CADPS2: variants seen among roughly 807,000 people sequenced by gnomAD.
The protein encoded by CADPS2 is calcium dependent secretion activator 2.
In CADPS2, 93 loss-of-function variants were observed where a neutral mutation model predicts 172.5. The observed-to-expected ratio is 0.54, with a 90% confidence interval of 0.46 to 0.64. The LOEUF is 0.64. Among genes scored for constraint, CADPS2 ranks in the 30% least tolerant of loss-of-function variants. The pLI is 0.00. For synonymous variants in CADPS2, 546 were observed against 555.2 expected (o/e 0.98, Z 0.23); for missense variants, 1,420 against 1,565.9 (o/e 0.91, Z 1.57).
chr7:122,839,393 C>A (rs1276605101), intron 1 of CADPS2, among the ~76,000 whole-genome samples: 1 of 152,036 alleles, frequency 6.6e-6, no homozygotes, highest in South Asian at 2.1e-4. Context: ...TCTAAAACAC[C>A]AAAAGCAATG....
intron 4 of CADPS2, among the ~76,000 whole-genome samples, chr7:122,626,710 A>G (rs1004458331): frequency 6.6e-6 from 1 of 152,116 alleles, no homozygotes; most frequent in Non-Finnish European, 1.5e-5. Context: ...TTTTATCCCA[A>G]TGTATCCCAA....
At chr7:122,873,164 T>C (rs1196817033) in intron 1 of CADPS2, among the ~76,000 whole-genome samples, 1 of 152,112 alleles carries the variant, frequency 6.6e-6, no homozygotes. Context: ...ATGGAGTCCA[T>C]ATAGCAAAAG....
chr7:122,678,943 C>T (rs534083913), intron 2 of CADPS2, among the ~76,000 whole-genome samples: 206 of 152,204 alleles, frequency 1.4e-3, no homozygotes, highest in African/African-American at 4.8e-3. Context: ...ATTTCCTATG[C>T]CTGTCTTTTA....
intron 1 of CADPS2, among the ~76,000 whole-genome samples, chr7:122,792,986 G>A (rs1367649472): frequency 2.0e-5 from 3 of 152,072 alleles, no homozygotes; most frequent in Non-Finnish European, 2.9e-5. Flanking sequence ...AGTCCTGAGT[G>A]CAAATGAAAA....
At chr7:122,457,961 T>A (rs1229376078) in intron 14 of CADPS2, among the ~76,000 whole-genome samples, 2 of 152,176 alleles carry the variant, frequency 1.3e-5, no homozygotes, top group Non-Finnish European at 2.9e-5. Flanking sequence ...CCCCACCCCA[T>A]CTCCAACTCA....
At chr7:122,638,734 TACTC>T (rs960006221) in intron 3 of CADPS2, among the ~76,000 whole-genome samples, 1 of 152,190 alleles carries the variant, frequency 6.6e-6, no homozygotes, top group Non-Finnish European at 1.5e-5. Flanking sequence ...TGAGGACTCT[TACTC>T]ACTAATTCTA....
At chr7:122,393,344 G>C in intron 21 of CADPS2, 29 bp from the exon 22 acceptor site, 2 of 1,613,698 alleles carry the variant, frequency 1.2e-6, no homozygotes, top group Admixed American at 1.7e-5. Flanking sequence ...CGTGGGAAGG[G>C]ACCACCATAA....
chr7:122,700,662 C>T (rs1041691115), intron 2 of CADPS2, among the ~76,000 whole-genome samples: 8 of 152,164 alleles, frequency 5.3e-5, no homozygotes, highest in African/African-American at 1.7e-4. Flanking sequence ...AATATAACAT[C>T]GAAAGGCAAT....
At chr7:122,749,868 G>T (rs2092874438) in intron 1 of CADPS2, among the ~76,000 whole-genome samples, 1 of 150,578 alleles carries the variant, frequency 6.6e-6, no homozygotes, top group African/African-American at 2.4e-5. Context: ...ACATGCTTCA[G>T]ATTTTTAATT....
intron 1 of CADPS2, among the ~76,000 whole-genome samples, chr7:122,770,568 A>G (rs770632218): frequency 6.6e-5 from 10 of 152,172 alleles, no homozygotes; most frequent in Non-Finnish European, 1.2e-4. Context: ...CTTTTGTTTC[A>G]TCTAATGAAC....
At chr7:122,493,580 G>T (rs2058486119) in intron 9 of CADPS2, among the ~76,000 whole-genome samples, 1 of 152,114 alleles carries the variant, frequency 6.6e-6, no homozygotes, top group African/African-American at 2.4e-5. Context: ...ACACAGTGTG[G>T]GTGACAGAAT....
chr7:122,358,156 G>C (rs1481899587), intron 27 of CADPS2, among the ~76,000 whole-genome samples: 2 of 152,090 alleles, frequency 1.3e-5, no homozygotes, highest in African/African-American at 4.8e-5. Flanking sequence ...TTTGTTTTTG[G>C]ATTTTGGCCA....
intron 3 of CADPS2, among the ~76,000 whole-genome samples, chr7:122,648,676 A>T (rs1204446288): frequency 2.6e-5 from 4 of 152,174 alleles, no homozygotes; most frequent in Non-Finnish European, 5.9e-5. Flanking sequence ...CGACACTTTT[A>T]TCTTGTCCCT....
At chr7:122,689,858 C>A (rs970337935) in intron 2 of CADPS2, among the ~76,000 whole-genome samples, 1 of 152,182 alleles carries the variant, frequency 6.6e-6, no homozygotes, top group Non-Finnish European at 1.5e-5. Context: ...GGGGGCACCA[C>A]GTGTTCTCCC....
intron 2 of CADPS2, among the ~76,000 whole-genome samples, chr7:122,682,215 A>T (rs536303698): frequency 6.6e-6 from 1 of 152,224 alleles, no homozygotes; most frequent in Non-Finnish European, 1.5e-5. Flanking sequence ...ACACTGTGCA[A>T]CAAAGACTGA....
chr7:122,438,094 C>T (rs1324289330), intron 17 of CADPS2, among the ~76,000 whole-genome samples: 1 of 151,974 alleles, frequency 6.6e-6, no homozygotes, highest in Non-Finnish European at 1.5e-5. Context: ...TTTCAAAACT[C>T]AAAATAAGAA....
At chr7:122,719,667 T>C (rs1416995965) in intron 2 of CADPS2, among the ~76,000 whole-genome samples, 1 of 152,090 alleles carries the variant, frequency 6.6e-6, no homozygotes, top group Non-Finnish European at 1.5e-5. Context: ...CATAAATTTA[T>C]TAGGAAAGTA....
At chr7:122,417,649 G>C (rs899099653) in intron 17 of CADPS2, among the ~76,000 whole-genome samples, 2 of 152,116 alleles carry the variant, frequency 1.3e-5, no homozygotes, top group Non-Finnish European at 2.9e-5. Context: ...CTTAATTTGG[G>C]GGCCGCTCTA....
At chr7:122,535,188 T>C (rs905578524) in intron 8 of CADPS2, among the ~76,000 whole-genome samples, 1 of 152,042 alleles carries the variant, frequency 6.6e-6, no homozygotes, top group African/African-American at 2.4e-5. Flanking sequence ...TATTTTGTAT[T>C]AGTAGGTGGT....
Sources: gnomAD v4.1 joint callset for allele counts (sites outside exome capture counted in the v4.1 genomes callset) on GRCh38, gnomAD v4.1.1 for gene constraint, MANE v1.5 for transcripts, NCBI Gene and HGNC (gene_info 2026-07-23, HGNC 2026-07-21) for gene names.